PCDHA5: variants seen among roughly 807,000 people sequenced by gnomAD.
PCDHA5 encodes protocadherin alpha-5.
A neutral mutation model predicts 61.6 loss-of-function variants in PCDHA5; 43 were observed. The ratio of observed to expected loss-of-function variants is 0.70; its 90% CI spans 0.55 to 0.90. The LOEUF (loss-of-function observed/expected upper bound fraction) is 0.90, where lower values mean the gene tolerates loss of function less well. PCDHA5 is among the 40% of genes least tolerant of loss of function. The pLI is 0.00. For synonymous variants in PCDHA5, 627 were observed against 543.9 expected (o/e 1.15, Z -2.13); for missense variants, 1,298 against 1,222.7 (o/e 1.06, Z -0.92).
At chr5:140,945,954 A>G (rs187878503) in intron 1 of PCDHA5, among the ~76,000 whole-genome samples, 130 of 152,264 alleles carry the variant, frequency 8.5e-4, no homozygotes, top group Non-Finnish European at 1.6e-3. Flanking sequence ...ATGACCCTGA[A>G]AGCACAGGCA....
At chr5:140,909,439 G>C (rs1348703640) in intron 1 of PCDHA5, among the ~76,000 whole-genome samples, 1 of 152,210 alleles carries the variant, frequency 6.6e-6, no homozygotes, top group Admixed American at 6.5e-5. Context: ...ATAATCCACT[G>C]TCATTCTCCA....
intron 1 of PCDHA5, chr5:140,871,216 G>A (rs782807102): frequency 5.6e-6 from 9 of 1,613,738 alleles, no homozygotes; most frequent in East Asian, 4.5e-5. Context: ...CGCCATCTGC[G>A]TGGTGTCCAG....
chr5:140,841,974 G>A (rs1777620025), intron 1 of PCDHA5: 1 of 1,613,872 alleles, frequency 6.2e-7, no homozygotes, highest in South Asian at 1.1e-5. Context: ...ACAGATGGGG[G>A]CAAACCTGAG....
intron 1 of PCDHA5, among the ~76,000 whole-genome samples, chr5:140,896,330 A>C (rs1435351695): frequency 1.3e-5 from 2 of 152,170 alleles, no homozygotes. Flanking sequence ...CAGTGGCTAA[A>C]CTAATTTATA....
rs2150125758 is a variant in PCDHA5 at position 140,823,426 on chromosome 5, C to A, written c.1651C>A (p.Gln551Lys). 13 of 1,613,328 alleles carry A rather than the reference C, an allele frequency of 8.1e-6. No individual in the cohort carries two copies. The East Asian group carries it at 8.9e-5, about 11-fold the overall frequency. The change falls in exon 1 of 4, where the codon CAG becomes AAG. Residue 551 changes from glutamine (Q) to lysine (K), a missense_variant. Gln to Lys is a moderately conservative substitution (Grantham distance 53). Coordinates refer to ENST00000529859, the MANE Select transcript of PCDHA5 (RefSeq NM_018908.3). Reference sequence around the variant, plus strand: ...GCCTCTGGGCAGCAACGTGACGCTGCAGGTGTTCGTGCTGGACGAGAACGA... The same window carrying A: ...GCCTCTGGGCAGCAACGTGACGCTGAAGGTGTTCGTGCTGGACGAGAACGA... ...VPPLGSNVTL[Q>K]VFVLDENDNA...
intron 1 of PCDHA5, chr5:140,841,864 T>C (rs1554138599): frequency 3.1e-6 from 5 of 1,613,852 alleles, no homozygotes; most frequent in Non-Finnish European, 4.2e-6. Flanking sequence ...TCATGCTAGA[T>C]GTGAATTCAA....
intron 3 of PCDHA5, among the ~76,000 whole-genome samples, chr5:141,002,329 A>C (rs2098072323): frequency 6.6e-6 from 1 of 152,226 alleles, no homozygotes; most frequent in Non-Finnish European, 1.5e-5. Context: ...GCCGGGCTGC[A>C]TCCGCACCCC....
chr5:140,967,737 A>G, intron 1 of PCDHA5: 1 of 1,614,170 alleles, frequency 6.2e-7, no homozygotes, highest in Non-Finnish European at 8.5e-7. Flanking sequence ...GGGGGGCTGG[A>G]TTATGAGGAA....
chr5:140,971,999 A>G (rs543282950), intron 1 of PCDHA5, among the ~76,000 whole-genome samples: 18 of 152,302 alleles, frequency 1.2e-4, no homozygotes, highest in African/African-American at 3.8e-4. Flanking sequence ...TCCAATGTTT[A>G]TATTCCCTTT....
chr5:141,002,166 G>A (rs1212034616), intron 3 of PCDHA5, among the ~76,000 whole-genome samples: 1 of 152,234 alleles, frequency 6.6e-6, no homozygotes, highest in Non-Finnish European at 1.5e-5. Context: ...TGGGCGGTAG[G>A]CAGGCTCCAG....
intron 1 of PCDHA5, chr5:140,966,642 G>A (rs897727830): frequency 8.9e-7 from 1 of 1,117,790 alleles, no homozygotes; most frequent in East Asian, 3.1e-5. Flanking sequence ...GCGCTTTCTA[G>A]AGCGTGAGCG....
chr5:140,948,158 A>C lies in PCDHA5; in HGVS notation c.2353-30791A>C, dbSNP rs191151506. On this transcript the variant is annotated intron_variant, in intron 1 of 3. Transcript: ENST00000529859. The stretch of plus-strand genomic sequence containing the variant: ...TAATTGATTTTTGAATGTTGGAAAA[A>C]ACCTTCCATTCCTAGGGTAAATCCC... Among the ~76,000 whole-genome samples the C allele has an allele frequency of 2.8e-3, 418 of 151,676 alleles. 1 individual carries two copies. The highest frequency in any genetic ancestry group is 0.014 in the Middle Eastern group (4 of 294).
intron 3 of PCDHA5, among the ~76,000 whole-genome samples, chr5:140,983,637 T>G (rs1306208906): frequency 6.6e-6 from 1 of 152,232 alleles, no homozygotes; most frequent in Non-Finnish European, 1.5e-5. Context: ...TGTACCCAAG[T>G]TCACGTAGCT....
intron 1 of PCDHA5, chr5:140,842,198 T>A: frequency 6.2e-7 from 1 of 1,613,764 alleles, no homozygotes. Flanking sequence ...TATTGACCAC[T>A]TTAGCATAGA....
rs142150910 is a variant in PCDHA5, at chr5:140,945,405, C to T, written c.2353-33544C>T. ...AGCAATATACAAATTCAATACAATTCGTATCAAAATTTCAATGAAGTTTTT... is the reference window on the plus strand; with the variant it reads ...AGCAATATACAAATTCAATACAATTTGTATCAAAATTTCAATGAAGTTTTT... On this transcript the variant is annotated intron_variant, in intron 1 of 3. Transcript: ENST00000529859. Among the ~76,000 whole-genome samples, 454 of 152,016 alleles carry T rather than the reference C, an allele frequency of 3.0e-3. 3 individuals are homozygous for T. Among genetic ancestry groups the T allele is most frequent in the African/African-American group, 9.6e-3 (400 of 41,488 alleles).
chr5:140,887,643 T>C (rs1392264032), intron 1 of PCDHA5, among the ~76,000 whole-genome samples: 2 of 152,148 alleles, frequency 1.3e-5, no homozygotes, highest in African/African-American at 4.8e-5. Flanking sequence ...TTGGGGTTTG[T>C]TGATATTCTT....
chr5:140,928,791 G>A, intron 1 of PCDHA5: 1 of 1,614,138 alleles, frequency 6.2e-7, no homozygotes, highest in South Asian at 1.1e-5. Flanking sequence ...TTAAGCAGAG[G>A]GTGGTGGTAG....
chr5:140,828,092 A>G (rs2150150860), intron 1 of PCDHA5: 2 of 1,598,744 alleles, frequency 1.3e-6, no homozygotes, highest in East Asian at 2.2e-5. Context: ...GGTATTTGAC[A>G]TGGTGTTTAC....
intron 1 of PCDHA5, among the ~76,000 whole-genome samples, chr5:140,911,106 G>T (rs192768876): frequency 6.6e-6 from 1 of 152,214 alleles, no homozygotes; most frequent in Non-Finnish European, 1.5e-5. Flanking sequence ...TGCCTCAGGG[G>T]AAGCCATCAC....
Sources: gnomAD v4.1 joint callset for allele counts (sites outside exome capture counted in the v4.1 genomes callset) on GRCh38, gnomAD v4.1.1 for gene constraint, MANE v1.5 for transcripts, NCBI Gene and HGNC (gene_info 2026-07-23, HGNC 2026-07-21) for gene names.